The following PHACTR1 variants were observed in gnomAD, a reference collection of about 807,000 sequenced individuals.
The protein encoded by PHACTR1 is phosphatase and actin regulator 1, also known as RPEL repeat containing 1.
Under a neutral mutation model 69.2 loss-of-function variants are expected in PHACTR1, and 16 were observed. The ratio of observed to expected loss-of-function variants is 0.23; its 90% confidence interval spans 0.16 to 0.35. The LOEUF (loss-of-function observed/expected upper bound fraction) is 0.35. Among genes scored for constraint, PHACTR1 ranks in the 10% least tolerant of loss-of-function variants. The pLI, the probability that PHACTR1 is intolerant of heterozygous loss-of-function variation, is 1.00. For synonymous variants in PHACTR1, 312 were observed against 284.5 expected, an observed-to-expected ratio of 1.10 and a Z score of -0.97; for missense variants, 510 against 734.7, an observed-to-expected ratio of 0.69 and a Z score of 3.54.
At chr6:12,775,553 G>C (rs1343396682) in intron 4 of PHACTR1, among the ~76,000 whole-genome samples, 1 of 152,094 alleles carries the variant, frequency 6.6e-6, no homozygotes, top group Non-Finnish European at 1.5e-5. Context: ...TGATTGCCAA[G>C]AAACAAATGA....
chr6:12,775,098 G>T (rs1407558516), intron 4 of PHACTR1, among the ~76,000 whole-genome samples: 1 of 152,114 alleles, frequency 6.6e-6, no homozygotes, highest in African/African-American at 2.4e-5. Flanking sequence ...GAAAGTTTCA[G>T]TGCCCTTACT....
At chr6:12,737,241 A>G (rs1012624969) in intron 3 of PHACTR1, among the ~76,000 whole-genome samples, 5 of 152,094 alleles carry the variant, frequency 3.3e-5, no homozygotes, top group African/African-American at 1.2e-4. Flanking sequence ...TAGCTTAGAC[A>G]ACTGCAGCAC....
At chr6:13,212,046 G>A (rs965295033) in intron 8 of PHACTR1, among the ~76,000 whole-genome samples, 5 of 152,174 alleles carry the variant, frequency 3.3e-5, no homozygotes, top group Admixed American at 6.5e-5. Flanking sequence ...TTGGCTTGTA[G>A]GTGGTGTCTT....
rs533964542 is a variant in PHACTR1 at position 12,963,466 on chromosome 6, ACAAAC to A, written c.251-89895_251-89891del. On this transcript the variant is annotated intron_variant, in intron 4 of 14. Transcript: ENST00000332995. The stretch of plus-strand genomic sequence containing the variant: ...CTTTGATTTTCTTTAAAAAAAAAAA[ACAAAC>A]CAACTGACGATGGTGAAAAAAATAT... 1.9e-3 allele frequency among the ~76,000 whole-genome samples: 293 copies of A among 152,096 alleles called. 2 individuals carry two copies. Among genetic ancestry groups the A allele is most frequent in the Admixed American group, 4.5e-3 (69 of 15,286 alleles).
At chr6:12,810,797 G>A (rs1051118077) in intron 4 of PHACTR1, among the ~76,000 whole-genome samples, 1 of 152,052 alleles carries the variant, frequency 6.6e-6, no homozygotes, top group African/African-American at 2.4e-5. Context: ...GCTCCTTTCT[G>A]CTCACTTCCT....
intron 4 of PHACTR1, among the ~76,000 whole-genome samples, chr6:12,753,812 C>G (rs147328977): frequency 4.0e-4 from 61 of 152,124 alleles, no homozygotes; most frequent in Middle Eastern, 6.8e-3. Context: ...AAGTTATAAA[C>G]TAGGTCCCAG....
At chr6:13,169,563 G>C (rs1339171321) in intron 6 of PHACTR1, among the ~76,000 whole-genome samples, 1 of 152,078 alleles carries the variant, frequency 6.6e-6, no homozygotes, top group Non-Finnish European at 1.5e-5. Context: ...CTAAGAAGTG[G>C]TCAAAAAATA....
intron 5 of PHACTR1, among the ~76,000 whole-genome samples, chr6:13,141,724 C>CTTTTTTTTTTTTTTTTTTTTTTTTTT (rs577073698): frequency 1.1e-5 from 1 of 89,826 alleles, no homozygotes; most frequent in Non-Finnish European, 2.2e-5. Context: ...TTTCTTCTTT[C>CTTTTTTTTTTTTTTTTTTTTTTTTTT]TTTTTTTTTT....
chr6:13,177,713 C>G (rs1761583319), intron 6 of PHACTR1, among the ~76,000 whole-genome samples: 1 of 152,170 alleles, frequency 6.6e-6, no homozygotes, highest in Non-Finnish European at 1.5e-5. Context: ...TTTTTTTAAG[C>G]CACTTGGACA....
At chr6:12,902,845 C>T (rs1278816243) in intron 4 of PHACTR1, among the ~76,000 whole-genome samples, 1 of 152,160 alleles carries the variant, frequency 6.6e-6, no homozygotes, top group Non-Finnish European at 1.5e-5. Flanking sequence ...GCTGAACAAA[C>T]CCACACTGTC....
At chr6:12,841,363 G>T (rs776796890) in intron 4 of PHACTR1, among the ~76,000 whole-genome samples, 12 of 151,460 alleles carry the variant, frequency 7.9e-5, no homozygotes, top group Non-Finnish European at 1.8e-4. Context: ...TACCATAGTT[G>T]CACTAGGATG....
At chr6:13,266,004 A>AG (rs1208955743) in intron 10 of PHACTR1, among the ~76,000 whole-genome samples, 2 of 152,190 alleles carry the variant, frequency 1.3e-5, no homozygotes, top group African/African-American at 4.8e-5. Context: ...TGCTGCCTAC[A>AG]TGACAGCTTC....
chr6:12,859,564 G>C (rs1780735382), intron 4 of PHACTR1, among the ~76,000 whole-genome samples: 3 of 152,138 alleles, frequency 2.0e-5, no homozygotes, highest in Admixed American at 6.5e-5. Context: ...TAAAAGTCCA[G>C]AGGCAATGAG....
At chr6:12,764,418 T>C (rs1768374740) in intron 4 of PHACTR1, among the ~76,000 whole-genome samples, 1 of 152,232 alleles carries the variant, frequency 6.6e-6, no homozygotes, top group Non-Finnish European at 1.5e-5. Flanking sequence ...CTAGTATCTT[T>C]TCAAAATTAT....
chr6:13,000,663 A>G (rs1797993282), intron 4 of PHACTR1, among the ~76,000 whole-genome samples: 1 of 11,240 alleles, frequency 8.9e-5, no homozygotes, highest in Non-Finnish European at 1.9e-4. Flanking sequence ...GAGGAAGGGG[A>G]AGGAAGGAAG....
chr6:13,278,632 C>T (rs1779466703), intron 12 of PHACTR1, among the ~76,000 whole-genome samples: 1 of 152,030 alleles, frequency 6.6e-6, no homozygotes, highest in Non-Finnish European at 1.5e-5. Flanking sequence ...CACTATAATC[C>T]CATTAAGCAA....
At chr6:13,011,128 C>A (rs1258284384) in intron 4 of PHACTR1, among the ~76,000 whole-genome samples, 1 of 152,190 alleles carries the variant, frequency 6.6e-6, no homozygotes, top group Non-Finnish European at 1.5e-5. Flanking sequence ...GTCTGAGACA[C>A]TAAAATGCAC....
intron 12 of PHACTR1, among the ~76,000 whole-genome samples, chr6:13,282,323 G>C (rs1780464587): frequency 6.6e-6 from 1 of 152,200 alleles, no homozygotes; most frequent in African/African-American, 2.4e-5. Context: ...AATAAACCTG[G>C]TGACAGGAAG....
Position 12,955,192 on chromosome 6 carries a change from C to CTTTTTTTTTTTTTTTTTTTTTTTT in PHACTR1, c.251-98153_251-98152insTTTTTTTTTTTTTTTTTTTTTTTT, listed in dbSNP as rs1161324144. On this transcript the variant is annotated intron_variant, in intron 4 of 14. Coordinates refer to ENST00000332995, the MANE Select transcript of PHACTR1 (RefSeq NM_030948.6). ...ATCTATGGCTCACATTGTATTTCCT[C>CTTTTTTTTTTTTTTTTTTTTTTTT]TTTTTTTTTTTTTTTTTTTTGAGAG... Among the ~76,000 whole-genome samples, 83 of 103,286 alleles carry CTTTTTTTTTTTTTTTTTTTTTTTT rather than the reference C, an allele frequency of 8.0e-4. 18 individuals are homozygous for CTTTTTTTTTTTTTTTTTTTTTTTT. Among genetic ancestry groups the CTTTTTTTTTTTTTTTTTTTTTTTT allele is most frequent in the African/African-American group, 4.0e-3 (78 of 19,524 alleles). 67.8% of individuals were successfully genotyped at this position (103,286 alleles called of 152,430 possible).
Sources: allele counts gnomAD v4.1 joint callset (sites outside exome capture counted in the v4.1 genomes callset), GRCh38; gene constraint gnomAD v4.1.1; transcripts MANE v1.5; gene names NCBI Gene and HGNC (gene_info 2026-07-23, HGNC 2026-07-21).